C12orf42: variants seen among roughly 807,000 people sequenced by gnomAD.
C12orf42 encodes the protein uncharacterized protein C12orf42.
C12orf42 carries 25 observed loss-of-function variants against 21.6 expected under a neutral mutation model. That is an observed-to-expected ratio of 1.16 (90% CI 0.84 to 1.62). C12orf42 has a LOEUF of 1.62. Among genes scored for constraint, C12orf42 ranks in the 40% most tolerant of loss-of-function variants. The probability of loss-of-function intolerance (pLI) is 0.00; values close to 1 mark genes in which losing one functional copy is unlikely to be tolerated. For synonymous variants in C12orf42, 174 were observed against 175.0 expected (o/e 0.99, Z 0.05); for missense variants, 483 against 459.3 (o/e 1.05, Z -0.47).
At chr12:103,074,065 A>AT in the C12orf42 span, among the ~76,000 whole-genome samples, 1 of 152,198 alleles carries the variant, frequency 6.6e-6, no homozygotes, top group Admixed American at 6.5e-5. Context: ...AGCAAGTAGA[A>AT]TGGAGATAAA....
chr12:103,358,691 G>A (rs1331993765), intron 4 of C12orf42, among the ~76,000 whole-genome samples: 2 of 151,642 alleles, frequency 1.3e-5, no homozygotes, highest in African/African-American at 4.8e-5. Flanking sequence ...CATTAGTGAA[G>A]TTTACTGGTT....
chr12:103,258,427 C>T (rs1440587944), intron 10 of C12orf42, among the ~76,000 whole-genome samples: 3 of 152,210 alleles, frequency 2.0e-5, no homozygotes, highest in African/African-American at 7.2e-5. Context: ...AAGTCAAAGA[C>T]ACCCCATCAC....
At chr12:103,254,543 C>CTCAGGAATAAGA (rs1380589237) in intron 10 of C12orf42, among the ~76,000 whole-genome samples, 1 of 152,150 alleles carries the variant, frequency 6.6e-6, no homozygotes, top group Non-Finnish European at 1.5e-5. Flanking sequence ...GAATAGAGAA[C>CTCAGGAATAAGA]TCAGGAATAA....
chr12:103,514,070 G>T, the C12orf42 span, among the ~76,000 whole-genome samples: 56 of 152,280 alleles, frequency 3.7e-4, no homozygotes, highest in African/African-American at 1.1e-3. Flanking sequence ...AACAATCACG[G>T]CAGAAAAGCA....
At chr12:103,559,018 T>C in the C12orf42 span, 2 of 152,186 alleles carry the variant, frequency 1.3e-5, no homozygotes, top group African/African-American at 4.8e-5. Context: ...GAAAAGCCTG[T>C]CTTCAGGAAT....
intron 4 of C12orf42, among the ~76,000 whole-genome samples, chr12:103,320,177 C>T (rs1037015371): frequency 1.3e-5 from 2 of 152,176 alleles, no homozygotes; most frequent in African/African-American, 4.8e-5. Flanking sequence ...CAACAAACAT[C>T]CTTTCACTTC....
the C12orf42 span, among the ~76,000 whole-genome samples, chr12:103,531,062 A>C: frequency 6.6e-6 from 1 of 152,198 alleles, no homozygotes; most frequent in Non-Finnish European, 1.5e-5. Flanking sequence ...TATTTCTCAA[A>C]GAAAAGGGGG....
chr12:103,246,208 C>T (rs1041008313), intron 10 of C12orf42, among the ~76,000 whole-genome samples: 1 of 151,972 alleles, frequency 6.6e-6, no homozygotes, highest in East Asian at 1.9e-4. Flanking sequence ...CATGGAAGCC[C>T]TCCATGTAAC....
chr12:103,149,621 G>A, the C12orf42 span, among the ~76,000 whole-genome samples: 1 of 152,108 alleles, frequency 6.6e-6, no homozygotes, highest in Non-Finnish European at 1.5e-5. Flanking sequence ...GAGTTCTCAT[G>A]AGATCTGATG....
intron 2 of C12orf42, among the ~76,000 whole-genome samples, chr12:103,427,563 G>C (rs919208744): frequency 6.6e-6 from 1 of 152,098 alleles, no homozygotes; most frequent in Non-Finnish European, 1.5e-5. Flanking sequence ...ATATTAAACA[G>C]ATCAATGAGA....
intron 4 of C12orf42, among the ~76,000 whole-genome samples, chr12:103,277,547 A>G (rs923949421): frequency 6.6e-6 from 1 of 152,090 alleles, no homozygotes; most frequent in African/African-American, 2.4e-5. Context: ...TAGTTTCTGG[A>G]TTACACTTGA....
the C12orf42 span, among the ~76,000 whole-genome samples, chr12:103,107,016 A>G: frequency 5.9e-5 from 9 of 152,008 alleles, no homozygotes; most frequent in African/African-American, 1.7e-4. Context: ...TAAGCCTTTA[A>G]GAGACAAAGA....
chr12:103,389,503 T>G (rs1003875174), intron 3 of C12orf42, among the ~76,000 whole-genome samples: 2 of 152,210 alleles, frequency 1.3e-5, no homozygotes, highest in African/African-American at 4.8e-5. Flanking sequence ...TACATATCTC[T>G]TATTGTGGTT....
chr12:103,490,901 A>G (rs1213179075), intron 1 of C12orf42, among the ~76,000 whole-genome samples: 1 of 152,090 alleles, frequency 6.6e-6, no homozygotes, highest in Non-Finnish European at 1.5e-5. Flanking sequence ...CCATTCTGAA[A>G]TAATATCTAG....
At chr12:103,333,179 T>C (rs1337357541) in intron 4 of C12orf42, among the ~76,000 whole-genome samples, 2 of 152,218 alleles carry the variant, frequency 1.3e-5, no homozygotes, top group African/African-American at 2.4e-5. Context: ...GGCAGTATAA[T>C]AGAGTGATTG....
At chr12:103,116,376 A>G in the C12orf42 span, among the ~76,000 whole-genome samples, 1 of 132,322 alleles carries the variant, frequency 7.6e-6, no homozygotes, top group East Asian at 2.0e-4. Flanking sequence ...CCAAGAAAAA[A>G]AAAAAATATA....
At chr12:103,560,535 A>G in the C12orf42 span, among the ~76,000 whole-genome samples, 147 of 152,326 alleles carry the variant, frequency 9.7e-4, no homozygotes, top group African/African-American at 3.5e-3. Context: ...ACCATAAGCA[A>G]AATTCATGTA....
the C12orf42 span, among the ~76,000 whole-genome samples, chr12:103,199,661 TAAAC>T: frequency 6.6e-6 from 1 of 152,086 alleles, no homozygotes; most frequent in Non-Finnish European, 1.5e-5. Flanking sequence ...AAACCATTAA[TAAAC>T]AAACATTTCT....
At chr12:103,296,171 T>G (rs59258104) in intron 4 of C12orf42, among the ~76,000 whole-genome samples, 1 of 151,968 alleles carries the variant, frequency 6.6e-6, no homozygotes, top group East Asian at 1.9e-4. Flanking sequence ...GCTTCATCCA[T>G]GTCCCTACAA....
Sources: allele counts gnomAD v4.1 joint callset (sites outside exome capture counted in the v4.1 genomes callset), GRCh38; gene constraint gnomAD v4.1.1; transcripts MANE v1.5; gene names NCBI Gene and HGNC (gene_info 2026-07-23, HGNC 2026-07-21).